USP50: variants seen among roughly 807,000 people sequenced by gnomAD.
USP50 encodes the protein ubiquitin specific peptidase 50.
A neutral mutation model predicts 39.2 loss-of-function variants in USP50; 37 were observed. The ratio of observed to expected loss-of-function variants is 0.94; its 90% CI spans 0.73 to 1.24. The LOEUF (loss-of-function observed/expected upper bound fraction) is 1.24. Ranked by LOEUF, USP50 falls within the 50% of genes most tolerant of loss-of-function variation. The pLI, the probability that USP50 is intolerant of heterozygous loss-of-function variation, is 0.00. For synonymous variants in USP50, 139 were observed against 144.5 expected, an observed-to-expected ratio of 0.96 and a Z score of 0.27; for missense variants, 374 against 398.2, an observed-to-expected ratio of 0.94 and a Z score of 0.52.
At chr15:50,509,062 G>GA (rs1566902429) in intron 6 of USP50, 2 of 147,548 alleles carry the variant, frequency 1.4e-5, no homozygotes, top group Non-Finnish European at 3.0e-5. Flanking sequence ...TGAACCCGGG[G>GA]TCGGAGCTTG....
chr15:50,516,755 ATAT>A (rs2052807018), intron 6 of USP50, among the ~76,000 whole-genome samples: 7 of 34,552 alleles, frequency 2.0e-4, no homozygotes, highest in Non-Finnish European at 3.3e-4. Flanking sequence ...GTAGCTATAT[ATAT>A]ATATATATAT....
chr15:50,497,248 G>T, downstream of USP50: 1 of 1,592,040 alleles, frequency 6.3e-7, no homozygotes, highest in South Asian at 1.2e-5. Context: ...GGGAAAGTTT[G>T]TCCTCCTGTT....
chr15:50,531,008 T>C (rs3109897), intron 5 of USP50, among the ~76,000 whole-genome samples: 44,610 of 151,914 alleles, frequency 0.29, 6,713 homozygotes, highest in East Asian at 0.47. Flanking sequence ...TATTGTTACA[T>C]GGATCCTAAG....
At chr15:50,541,402 A>T in intron 3 of USP50, 138 bp from the exon 4 acceptor site, 1 of 679,270 alleles carries the variant, frequency 1.5e-6, no homozygotes, top group Non-Finnish European at 2.5e-6. Context: ...GGTGCCAGCT[A>T]CTTGGGAGGT....
chr15:50,496,880 C>CTG, downstream of USP50: 1 of 500,338 alleles, frequency 2.0e-6, no homozygotes, highest in Non-Finnish European at 3.4e-6. Context: ...TCACAACACA[C>CTG]TGTAGGTAGC....
chr15:50,502,997 C>A (rs182049524), intron 6 of USP50: 9 of 152,202 alleles, frequency 5.9e-5, no homozygotes, highest in African/African-American at 2.2e-4. Context: ...CTTCAACCTT[C>A]GTCTTCCCCA....
At chr15:50,493,386 C>T (rs2052253046), downstream of USP50, 2 of 519,200 alleles carry the variant, frequency 3.9e-6, 1 homozygote, top group Non-Finnish European at 7.7e-6. Context: ...CCCATTTTAC[C>T]TTTCAAACCA....
At chr15:50,494,271 T>G in intron 1 of USP50, 1 of 1,599,914 alleles carries the variant, frequency 6.3e-7, no homozygotes, top group Non-Finnish European at 8.5e-7. Flanking sequence ...TCCATGAAGA[T>G]CTAAATAAAG....
chr15:50,533,423 C>A (rs1288556121), intron 5 of USP50, among the ~76,000 whole-genome samples: 1 of 151,634 alleles, frequency 6.6e-6, no homozygotes, highest in East Asian at 1.9e-4. Context: ...CATTTTCAAA[C>A]TGCAGAACAT....
intron 1 of USP50, among the ~76,000 whole-genome samples, chr15:50,495,492 G>GA (rs199524459): frequency 6.7e-6 from 1 of 149,428 alleles, no homozygotes; most frequent in Non-Finnish European, 1.5e-5. Context: ...TTGGAGGGGG[G>GA]GGTCTCACTA....
At chr15:50,527,113 G>A (rs1034092749) in intron 6 of USP50, among the ~76,000 whole-genome samples, 8 of 152,192 alleles carry the variant, frequency 5.3e-5, no homozygotes, top group African/African-American at 1.7e-4. Context: ...ACAGATGTAT[G>A]CTTCTTAAAC....
At chr15:50,493,272 T>C (rs2052248844), downstream of USP50, 1 of 515,316 alleles carries the variant, frequency 1.9e-6, no homozygotes, top group East Asian at 5.3e-5. Context: ...TGGCAACACC[T>C]GAATTTTGGA....
intron 5 of USP50, 149 bp from the exon 6 acceptor site, chr15:50,530,078 G>A (rs1407619651): frequency 2.9e-6 from 3 of 1,052,074 alleles, no homozygotes; most frequent in Non-Finnish European, 1.4e-6. Flanking sequence ...AGGCCAAGGT[G>A]GACATATCCC....
intron 6 of USP50, among the ~76,000 whole-genome samples, chr15:50,524,636 G>T (rs1348603935): frequency 6.6e-6 from 1 of 152,232 alleles, no homozygotes; most frequent in Non-Finnish European, 1.5e-5. Flanking sequence ...CAAAGATGTG[G>T]ACATAAAGGA....
intron 5 of USP50, among the ~76,000 whole-genome samples, chr15:50,532,627 C>T (rs2052950086): frequency 6.6e-6 from 1 of 152,152 alleles, no homozygotes; most frequent in Admixed American, 6.5e-5. Flanking sequence ...AAAGGCAAAA[C>T]ACACAGTTTG....
intron 6 of USP50, among the ~76,000 whole-genome samples, chr15:50,520,087 C>T (rs1288135979): frequency 6.6e-6 from 1 of 151,806 alleles, no homozygotes; most frequent in Non-Finnish European, 1.5e-5. Context: ...AGGAGGATCA[C>T]TTGAGGCCAG....
chr15:50,500,564 A>C lies in USP50; in HGVS notation c.*205T>G. Reference sequence around the variant, plus strand: ...CATAAAAATGTTAATGATGCAAGTAAGTTCTAAGAGTTTAATGACCAAGCA... The same window carrying C: ...CATAAAAATGTTAATGATGCAAGTACGTTCTAAGAGTTTAATGACCAAGCA... On this transcript the variant is annotated 3_prime_UTR_variant, in exon 7 of 7. Transcript: ENST00000532404. 1 of 503,288 alleles carries C rather than the reference A, an allele frequency of 2.0e-6. No homozygotes were observed. Among genetic ancestry groups the C allele is most frequent in the Non-Finnish European group, 3.6e-6 (1 of 277,248 alleles). 31.2% of individuals were successfully genotyped at this position (503,288 alleles called of 1,614,324 possible).
intron 5 of USP50, chr15:50,532,023 C>A: frequency 2.4e-6 from 1 of 422,896 alleles, no homozygotes. Flanking sequence ...AGAGCCAAAA[C>A]TGCCGAGCAG....
intron 6 of USP50, among the ~76,000 whole-genome samples, chr15:50,525,183 T>C (rs377668925): frequency 5.3e-5 from 8 of 152,120 alleles, no homozygotes; most frequent in African/African-American, 1.9e-4. Flanking sequence ...GAAAGACAAA[T>C]ACTGCACGAT....
Sources: allele counts gnomAD v4.1 joint callset (sites outside exome capture counted in the v4.1 genomes callset), GRCh38; gene constraint gnomAD v4.1.1; transcripts MANE v1.5; gene names NCBI Gene and HGNC (gene_info 2026-07-23, HGNC 2026-07-21).